Variants in ELP4 observed in about 807,000 individuals in gnomAD.
ELP4 encodes elongator complex protein 4.
Under a neutral mutation model 48.9 loss-of-function variants are expected in ELP4, and 51 were observed. The observed-to-expected ratio is 1.04, with a 90% confidence interval of 0.83 to 1.32. ELP4 has a LOEUF of 1.32. Among genes scored for constraint, ELP4 ranks in the 40% most tolerant of loss-of-function variants. ELP4 has a pLI of 0.00. For synonymous variants in ELP4, 210 were observed against 189.2 expected, an observed-to-expected ratio of 1.11 and a Z score of -0.90; for missense variants, 519 against 514.6, an observed-to-expected ratio of 1.01 and a Z score of -0.08.
intron 3 of ELP4, among the ~76,000 whole-genome samples, chr11:31,550,807 A>G (rs1956836143): frequency 6.6e-6 from 1 of 152,202 alleles, no homozygotes. Flanking sequence ...AACAGTCATA[A>G]TAAGCAGATG....
chr11:31,527,253 C>G (rs916755826), intron 2 of ELP4, among the ~76,000 whole-genome samples: 6 of 152,012 alleles, frequency 3.9e-5, no homozygotes, highest in Admixed American at 3.9e-4. Flanking sequence ...ATTCCCTCTT[C>G]TAGTGCTACA....
intron 3 of ELP4, among the ~76,000 whole-genome samples, chr11:31,580,299 A>C (rs996641271): frequency 2.0e-5 from 3 of 152,216 alleles, no homozygotes; most frequent in African/African-American, 7.2e-5. Flanking sequence ...GAATAAATTT[A>C]GTATACTCTT....
chr11:31,670,460 C>A (rs549348090), intron 9 of ELP4, among the ~76,000 whole-genome samples: 227 of 152,252 alleles, frequency 1.5e-3, no homozygotes, highest in Non-Finnish European at 2.8e-3. Context: ...AGTGTTGTGT[C>A]CCTGTCATCT....
intron 9 of ELP4, among the ~76,000 whole-genome samples, chr11:31,683,079 C>T (rs1236890906): frequency 6.6e-6 from 1 of 152,078 alleles, no homozygotes; most frequent in Non-Finnish European, 1.5e-5. Context: ...TACCTTCCCT[C>T]TCCTCCCCAC....
At chr11:31,756,242 T>C (rs1947830064) in intron 9 of ELP4, among the ~76,000 whole-genome samples, 1 of 152,166 alleles carries the variant, frequency 6.6e-6, no homozygotes, top group African/African-American at 2.4e-5. Context: ...GCCAGAGAAG[T>C]ATTTTCAGGA....
intron 9 of ELP4, chr11:31,714,773 A>G (rs1309358246): frequency 2.0e-5 from 8 of 398,558 alleles, no homozygotes; most frequent in Non-Finnish European, 3.1e-5. Flanking sequence ...AAAGCGAGCA[A>G]CATTGGGTTT....
intron 2 of ELP4, among the ~76,000 whole-genome samples, chr11:31,521,773 A>G (rs1193492254): frequency 2.6e-5 from 4 of 152,170 alleles, no homozygotes; most frequent in Non-Finnish European, 5.9e-5. Context: ...GGTTAAAAAC[A>G]TCTTCAGTTG....
intron 7 of ELP4, 154 bp from the exon 8 acceptor site, chr11:31,647,587 T>G: frequency 3.8e-6 from 2 of 525,070 alleles, no homozygotes. Flanking sequence ...TTCCATCCAG[T>G]TTTCAGCCTA....
chr11:31,571,501 A>G (rs919484883), intron 3 of ELP4, among the ~76,000 whole-genome samples: 10 of 152,306 alleles, frequency 6.6e-5, no homozygotes, highest in Admixed American at 4.6e-4. Flanking sequence ...TCCTGTTAAT[A>G]TTGATATTTT....
chr11:31,693,374 C>T lies in ELP4; in HGVS notation c.1143+43153C>T, dbSNP rs554922850. On this transcript the variant is annotated intron_variant, in intron 9 of 9. Coordinates refer to ENST00000640961, the MANE Select transcript of ELP4 (RefSeq NM_019040.5). ...CCTTCCTGTGTCTAAGTGTTCTCAT[C>T]GTTCAATTCCCACCTATGAGTAAGA... is the stretch of plus-strand genomic sequence containing the variant. Among the ~76,000 whole-genome samples, 6 of 151,848 alleles carry T rather than the reference C, an allele frequency of 4.0e-5. No homozygotes were observed. In the South Asian group the frequency reaches 6.3e-4, roughly 16 times the overall value.
chr11:31,673,337 T>G (rs750894682), intron 9 of ELP4, among the ~76,000 whole-genome samples: 1 of 150,218 alleles, frequency 6.7e-6, no homozygotes, highest in African/African-American at 2.5e-5. Context: ...TTGTTTTTGT[T>G]TGTTTGTTTT....
At chr11:31,632,511 C>A in intron 7 of ELP4, 106 bp downstream of exon 7, 1 of 899,058 alleles carries the variant, frequency 1.1e-6, no homozygotes, top group Non-Finnish European at 1.6e-6. Flanking sequence ...ACCATCTTTT[C>A]AGGTGCTTTC....
chr11:31,648,858 G>C (rs1333987066), intron 8 of ELP4: 1 of 151,478 alleles, frequency 6.6e-6, no homozygotes, highest in Non-Finnish European at 1.5e-5. Flanking sequence ...CTAATGACTA[G>C]TATGCTTTCT....
At chr11:31,639,880 T>C (rs1037543842) in intron 7 of ELP4, among the ~76,000 whole-genome samples, 6 of 152,154 alleles carry the variant, frequency 3.9e-5, no homozygotes, top group Admixed American at 3.9e-4. Context: ...CATACTGTTA[T>C]TCATTCTGTA....
At position 31,520,075 on chromosome 11, in the gene ELP4, A is replaced by G. The variant is rs772561401; in HGVS notation, c.243A>G (p.Gly81=). The G allele has an allele frequency of 6.2e-7, 1 of 1,612,786 alleles. No individual in the cohort carries two copies. Residue 81 remains glycine (G), a synonymous_variant, in exon 2 of 10, where the codon GGA becomes GGG. Transcript: ENST00000640961. ...DQLLGGGLAV[G]TVLLIEEDKY... ...TTCCAGGTGGAGGTTTAGCCGTTGGAACAGTTCTTCTAATTGGTTAGTACA... is the reference window on the plus strand; with the variant it reads ...TTCCAGGTGGAGGTTTAGCCGTTGGGACAGTTCTTCTAATTGGTTAGTACA...
At chr11:31,546,040 G>A (rs185601699) in intron 3 of ELP4, among the ~76,000 whole-genome samples, 4,024 of 152,070 alleles carry the variant, frequency 0.026, 168 homozygotes, top group African/African-American at 0.091. Flanking sequence ...ATGCCAAAAT[G>A]TAAAGACCAT....
chr11:31,557,551 G>A (rs1462831300), intron 3 of ELP4, among the ~76,000 whole-genome samples: 2 of 152,000 alleles, frequency 1.3e-5, no homozygotes, highest in Admixed American at 1.3e-4. Context: ...TCAGTTGTTT[G>A]CTTTTACTGC....
chr11:31,719,640 T>A, intron 9 of ELP4: 1 of 393,808 alleles, frequency 2.5e-6, no homozygotes, highest in Non-Finnish European at 4.5e-6. Flanking sequence ...AAAGTTTTTA[T>A]GTAAAAAAGA....
At chr11:31,622,522 T>G (rs140306130) in intron 5 of ELP4, among the ~76,000 whole-genome samples, 1 of 151,870 alleles carries the variant, frequency 6.6e-6, no homozygotes, top group African/African-American at 2.4e-5. Flanking sequence ...ACATCTTCTT[T>G]TGTATAATAC....
Sources: allele counts gnomAD v4.1 joint callset (sites outside exome capture counted in the v4.1 genomes callset), GRCh38; gene constraint gnomAD v4.1.1; transcripts MANE v1.5; gene names NCBI Gene and HGNC (gene_info 2026-07-23, HGNC 2026-07-21).